Variants in MGAT4C observed in about 807,000 individuals in gnomAD.
MGAT4C encodes MGAT4 family member C.
Under a neutral mutation model 40.1 loss-of-function variants are expected in MGAT4C, and 19 were observed. The ratio of observed to expected loss-of-function variants is 0.47; its 90% CI spans 0.33 to 0.70. The LOEUF (loss-of-function observed/expected upper bound fraction) is 0.70, where lower values mean the gene tolerates loss of function less well. Ranked by LOEUF, MGAT4C falls within the 30% of genes least tolerant of loss-of-function variation. The pLI is 0.02. For synonymous variants in MGAT4C, 181 were observed against 187.1 expected (o/e 0.97, Z 0.27); for missense variants, 491 against 563.2 (o/e 0.87, Z 1.30).
At chr12:85,993,468 C>T (rs1886227865) in intron 2 of MGAT4C, among the ~76,000 whole-genome samples, 1 of 152,196 alleles carries the variant, frequency 6.6e-6, no homozygotes, top group Non-Finnish European at 1.5e-5. Flanking sequence ...GGTCCAGCCT[C>T]TCAACTGCAC....
At chr12:86,439,172 A>G (rs1357348904) in intron 2 of MGAT4C, among the ~76,000 whole-genome samples, 1 of 152,008 alleles carries the variant, frequency 6.6e-6, no homozygotes, top group Non-Finnish European at 1.5e-5. Context: ...TGCAAAATAT[A>G]CATTATTCTC....
intron 1 of MGAT4C, among the ~76,000 whole-genome samples, chr12:86,814,059 C>T (rs1952533868): frequency 6.6e-6 from 1 of 151,744 alleles, no homozygotes; most frequent in Non-Finnish European, 1.5e-5. Flanking sequence ...TACAGGTGCA[C>T]ACTGCCACGC....
At chr12:86,489,163 A>C (rs1217943788) in intron 2 of MGAT4C, among the ~76,000 whole-genome samples, 1 of 152,142 alleles carries the variant, frequency 6.6e-6, no homozygotes, top group Non-Finnish European at 1.5e-5. Flanking sequence ...ATCAGGGAGA[A>C]GCGACTTAAC....
intron 2 of MGAT4C, among the ~76,000 whole-genome samples, chr12:86,442,280 C>G (rs1327929775): frequency 2.0e-5 from 3 of 152,088 alleles, no homozygotes; most frequent in African/African-American, 7.2e-5. Flanking sequence ...ACATTTTCCT[C>G]CCATTCTGTA....
intron 2 of MGAT4C, among the ~76,000 whole-genome samples, chr12:86,656,965 C>T (rs1295695991): frequency 6.6e-6 from 1 of 151,854 alleles, no homozygotes; most frequent in Non-Finnish European, 1.5e-5. Context: ...TTTTGAAAGC[C>T]CATAATACCA....
At chr12:86,253,792 A>G (rs1401730486) in intron 1 of MGAT4C, among the ~76,000 whole-genome samples, 1 of 151,964 alleles carries the variant, frequency 6.6e-6, no homozygotes, top group Admixed American at 6.6e-5. Flanking sequence ...TGAACTGAGA[A>G]ACTAAAAAAC....
intron 1 of MGAT4C, among the ~76,000 whole-genome samples, chr12:86,736,669 C>T (rs1293489387): frequency 6.6e-6 from 1 of 151,606 alleles, no homozygotes; most frequent in East Asian, 2.0e-4. Context: ...TTTTACTGTA[C>T]CTATATAGAA....
chr12:86,399,684 C>T (rs1956322381), intron 3 of MGAT4C, among the ~76,000 whole-genome samples: 1 of 152,106 alleles, frequency 6.6e-6, no homozygotes, highest in Non-Finnish European at 1.5e-5. Flanking sequence ...AGCTTCTGGA[C>T]AGCTGAACTA....
Position 85,977,055 on chromosome 12 carries a change from T to C in MGAT4C, c.*2234A>G, listed in dbSNP as rs571490847. 1 of 151,444 alleles carries C rather than the reference T, an allele frequency of 6.6e-6. No individual in the cohort carries two copies. The highest frequency in any genetic ancestry group is 2.1e-4 in the South Asian group (1 of 4,828). 9.4% of individuals were successfully genotyped at this position (151,444 alleles called of 1,614,324 possible). A position where few individuals can be genotyped will look rare whatever the true frequency, so the allele number is the denominator to read the frequency against. On this transcript the variant is annotated 3_prime_UTR_variant, in exon 5 of 5. Transcript: ENST00000611864. ...GTTTAGTAAAGAGAGGATATAAAGA[T>C]AAAATGTGAAATGACCTCTCTGAGT...
chr12:86,258,847 G>A (rs764155200), upstream of MGAT4C, among the ~76,000 whole-genome samples: 2 of 151,774 alleles, frequency 1.3e-5, no homozygotes, highest in African/African-American at 4.8e-5. Flanking sequence ...TAATTCCTAG[G>A]AAAATTGATA....
chr12:86,160,475 T>A (rs1430930050), intron 1 of MGAT4C, among the ~76,000 whole-genome samples: 1 of 152,068 alleles, frequency 6.6e-6, no homozygotes, highest in East Asian at 1.9e-4. Context: ...AATGTATTGA[T>A]GCTTGCTTTA....
At chr12:86,481,164 G>GT in intron 2 of MGAT4C, among the ~76,000 whole-genome samples, 1 of 151,962 alleles carries the variant, frequency 6.6e-6, no homozygotes, top group Middle Eastern at 3.4e-3. Flanking sequence ...AAATTCTAAT[G>GT]TTTTGTATAG....
chr12:86,580,076 T>C (rs1176062524), intron 2 of MGAT4C, among the ~76,000 whole-genome samples: 1 of 151,502 alleles, frequency 6.6e-6, no homozygotes, highest in Non-Finnish European at 1.5e-5. Flanking sequence ...TGGATATTGA[T>C]ATCTTTCTCT....
intron 1 of MGAT4C, among the ~76,000 whole-genome samples, chr12:86,737,752 C>T (rs1593163383): frequency 6.7e-6 from 1 of 150,256 alleles, no homozygotes; most frequent in African/African-American, 2.4e-5. Flanking sequence ...TTCCAGTTTC[C>T]CAGTTAAAAA....
intron 4 of MGAT4C, among the ~76,000 whole-genome samples, chr12:86,290,677 T>G (rs1953487720): frequency 6.7e-6 from 1 of 149,946 alleles, no homozygotes; most frequent in Non-Finnish European, 1.5e-5. Context: ...GTAACAAACC[T>G]GTATATATCG....
intron 2 of MGAT4C, among the ~76,000 whole-genome samples, chr12:86,523,693 C>T (rs552052877): frequency 6.6e-6 from 1 of 152,180 alleles, no homozygotes; most frequent in South Asian, 2.1e-4. Flanking sequence ...GGTTGTAAAG[C>T]ATCTCACTAT....
At chr12:86,156,519 C>T (rs1884952735) in intron 1 of MGAT4C, among the ~76,000 whole-genome samples, 1 of 152,138 alleles carries the variant, frequency 6.6e-6, no homozygotes, top group African/African-American at 2.4e-5. Flanking sequence ...TGGGGTTTCT[C>T]TGTGTTGGTC....
intron 1 of MGAT4C, among the ~76,000 whole-genome samples, chr12:86,834,605 C>T (rs1471338266): frequency 7.6e-6 from 1 of 131,418 alleles, no homozygotes; most frequent in Non-Finnish European, 1.7e-5. Flanking sequence ...TCTACTTCCC[C>T]CAACCACCAC....
chr12:86,108,558 T>C (rs948006281), intron 1 of MGAT4C, among the ~76,000 whole-genome samples: 1 of 152,146 alleles, frequency 6.6e-6, no homozygotes, highest in Admixed American at 6.6e-5. Context: ...AAACTGATTT[T>C]GGTAACTCTC....
Sources: gnomAD v4.1 joint callset for allele counts (sites outside exome capture counted in the v4.1 genomes callset) on GRCh38, gnomAD v4.1.1 for gene constraint, MANE v1.5 for transcripts, NCBI Gene and HGNC (gene_info 2026-07-23, HGNC 2026-07-21) for gene names.